MAPK3: variants seen among roughly 807,000 people sequenced by gnomAD.
MAPK3 encodes the protein MAPK 1.
A neutral mutation model predicts 41.8 loss-of-function variants in MAPK3; 30 were observed. That is an observed-to-expected ratio of 0.72 (90% CI 0.54 to 0.97). The LOEUF is 0.97. Ranked by LOEUF, MAPK3 falls within the 50% of genes least tolerant of loss-of-function variation. MAPK3 has a pLI of 0.00. For synonymous variants in MAPK3, 222 were observed against 213.4 expected, an observed-to-expected ratio of 1.04 and a Z score of -0.35; for missense variants, 413 against 509.9, an observed-to-expected ratio of 0.81 and a Z score of 1.83.
chr16:30,121,750 GA>G, intron 2 of MAPK3, 73 bp downstream of exon 2: 1 of 1,480,730 alleles, frequency 6.8e-7, no homozygotes, highest in Non-Finnish European at 9.2e-7. Flanking sequence ...GATGGAAACA[GA>G]AACCAAGCAA....
At chr16:30,116,315 CAG>C (rs2151044391) in intron 8 of MAPK3, among the ~76,000 whole-genome samples, 1 of 151,890 alleles carries the variant, frequency 6.6e-6, no homozygotes, top group South Asian at 2.1e-4. Context: ...CTGGGATTAC[CAG>C]AGTGACCCAC....
chr16:30,123,178 C>T lies in MAPK3; in HGVS notation c.32G>A (p.Gly11Asp). 1.5e-6 allele frequency: 2 copies of T among 1,330,284 alleles called. No individual in the cohort carries two copies. Among genetic ancestry groups the T allele is most frequent in the Non-Finnish European group, 2.0e-6 (2 of 996,790 alleles). The allele number at this position is 1,330,284 out of a possible 1,614,324, so 82.4% of individuals were successfully genotyped here. MAAAAAQGGG[G>D]GEPRRTEGVG... ...CCCCTCGGTTCTACGGGGCTCCCCG[C>T]CCCCGCCCCCCTGAGCCGCCGCCGC... Residue 11 changes from glycine (G) to aspartate (D), a missense_variant, in exon 1 of 9, where the codon GGC becomes GAC. Coordinates refer to ENST00000263025, the MANE Select transcript of MAPK3 (RefSeq NM_002746.3).
chr16:30,121,931 GC>G lies in MAPK3; in HGVS notation c.245del (p.Cys82SerfsTer34). Reference sequence around the variant, plus strand: ...TCTGGATCTCCCGGAGCGTGCGCTGGCAGTAGGTCTGATGTTCGAAGGGGCT... The same window carrying G: ...TCTGGATCTCCCGGAGCGTGCGCTGGAGTAGGTCTGATGTTCGAAGGGGCT... ...KISPFEHQTY[C>X]QRTLREIQIL... On this transcript the variant is annotated frameshift_variant, in exon 2 of 9. Transcript: ENST00000263025. LOFTEE classifies it high-confidence loss of function. 6.2e-7 allele frequency: 1 copy of G among 1,614,172 alleles called. No homozygotes were observed. The highest frequency in any genetic ancestry group is 8.5e-7 in the Non-Finnish European group (1 of 1,180,026).
At chr16:30,118,566 G>A (rs373009055) in intron 2 of MAPK3, 28 bp from the exon 3 acceptor site, 13 of 1,591,200 alleles carry the variant, frequency 8.2e-6, no homozygotes, top group Admixed American at 5.1e-5. Flanking sequence ...GACCCCCCCA[G>A]GCAGGGGGCA....
intron 1 of MAPK3, 115 bp downstream of exon 1, chr16:30,122,925 G>A (rs1596884400): frequency 1.0e-6 from 1 of 957,558 alleles, no homozygotes; most frequent in Non-Finnish European, 1.4e-6. Context: ...CGAGTCTCCT[G>A]CCTCCTCGGG....
rs1567354078 is a variant in MAPK3, at chr16:30,116,579, T to C, written c.*32+57A>G. 31 of 1,525,264 alleles carry C rather than the reference T, an allele frequency of 2.0e-5. No homozygotes were observed. The South Asian group carries it at 2.4e-4, about 12-fold the overall frequency. The allele number at this position is 1,525,264 out of a possible 1,614,324, so 94.5% of individuals were successfully genotyped here. On this transcript the variant is annotated intron_variant, in intron 8 of 8. Coordinates refer to ENST00000263025, the MANE Select transcript of MAPK3 (RefSeq NM_002746.3). ...GTACAGATAGATATAGATATAGATA[T>C]ACAGATATAGATATTTAGTATCAGG...
rs1208471014 is a variant in MAPK3 at position 30,117,763 on chromosome 16, T to C, written c.682A>G (p.Ile228Val). 1.2e-6 allele frequency: 2 copies of C among 1,613,954 alleles called. No homozygotes were observed. The highest frequency in any genetic ancestry group is 1.7e-6 in the Non-Finnish European group (2 of 1,179,856). Residue 228 changes from isoleucine to valine, a missense_variant, in exon 5 of 9, where the codon ATC becomes GTC. Around this residue, in one of 4 missense-constraint regions of MAPK3, gnomAD observed 140 missense variants for 206.0 expected, o/e 0.68. Coordinates refer to ENST00000263025, the MANE Select transcript of MAPK3 (RefSeq NM_002746.3). ...GCCAGAATGCAGCCCACAGACCAGA[T>C]GTCGATGGACTTGGTATAGCCCTGG... The part of the protein sequence containing the change: ...NSKGYTKSID[I>V]WSVGCILAEM...
chr16:30,115,933 C>T (rs1188676405), intron 8 of MAPK3: 1 of 151,638 alleles, frequency 6.6e-6, no homozygotes, highest in Non-Finnish European at 1.5e-5. Flanking sequence ...TTTTTGTATT[C>T]TTTACAGTAG....
At chr16:30,115,622 C>G (rs1325049274) in intron 8 of MAPK3, 1 of 152,312 alleles carries the variant, frequency 6.6e-6, no homozygotes, top group Non-Finnish European at 1.5e-5. Context: ...TCAGTGACCT[C>G]TTGCCTCTTT....
rs11865228 is a variant in MAPK3, at chr16:30,114,339, G to A, written c.*402C>T. The stretch of plus-strand genomic sequence containing the variant: ...AGGGAAACTAGGGTGGGGTTTGAAT[G>A]AGATGAGGGGGGCAGGCATGGCCCT... On this transcript the variant is annotated 3_prime_UTR_variant, in exon 9 of 9. Transcript: ENST00000263025. 2,347 of 152,664 alleles carry A rather than the reference G, an allele frequency of 0.015. 57 individuals are homozygous for A. The highest frequency in any genetic ancestry group is 0.053 in the African/African-American group (2,218 of 41,494). The allele number at this position is 152,664 out of a possible 1,614,324, so 9.5% of individuals were successfully genotyped here.
At chr16:30,116,287 C>T (rs1310581980) in intron 8 of MAPK3, among the ~76,000 whole-genome samples, 6 of 152,058 alleles carry the variant, frequency 3.9e-5, no homozygotes, top group Non-Finnish European at 7.4e-5. Flanking sequence ...GATCCACTTG[C>T]CTCAGCCTCC....
At chr16:30,117,041 T>C (rs1275120928) in intron 6 of MAPK3, 38 bp from the exon 7 acceptor site, 3 of 1,593,438 alleles carry the variant, frequency 1.9e-6, no homozygotes, top group Non-Finnish European at 2.6e-6. Context: ...CAGGGAAGAC[T>C]GGAGGAGCTC....
chr16:30,120,764 G>A (rs568053962), intron 2 of MAPK3, among the ~76,000 whole-genome samples: 2 of 145,666 alleles, frequency 1.4e-5, no homozygotes, highest in Non-Finnish European at 3.0e-5. Context: ...GCTCACTGCA[G>A]CCTCGAACTC....
At position 30,121,906 on chromosome 16, in the gene MAPK3, T is replaced by A. The variant is rs2073019201; in HGVS notation, c.271A>T (p.Ile91Phe). 6.2e-7 allele frequency: 1 copy of A among 1,613,980 alleles called. No individual in the cohort carries two copies. Reference sequence around the variant, plus strand: ...TTCTCATGGCGGAAGCGCAGCAGGATCTGGATCTCCCGGAGCGTGCGCTGG... The same window carrying A: ...TTCTCATGGCGGAAGCGCAGCAGGAACTGGATCTCCCGGAGCGTGCGCTGG... ...YCQRTLREIQ[I>F]LLRFRHENVI... The change falls in exon 2 of 9, where the codon ATC becomes TTC. Residue 91 changes from isoleucine to phenylalanine, a missense_variant. By Grantham distance (21) the Ile-to-Phe change is conservative. Around this residue, in one of 4 missense-constraint regions of MAPK3, gnomAD observed 140 missense variants for 206.0 expected, o/e 0.68. Coordinates refer to ENST00000263025, the MANE Select transcript of MAPK3 (RefSeq NM_002746.3).
At chr16:30,116,487 G>T in intron 8 of MAPK3, 149 bp downstream of exon 8, 2 of 882,340 alleles carry the variant, frequency 2.3e-6, no homozygotes, top group Non-Finnish European at 3.4e-6. Context: ...AGCCCCCTGG[G>T]CACTTCTGTT....
chr16:30,116,490 C>T, intron 8 of MAPK3, 146 bp downstream of exon 8: 1 of 936,796 alleles, frequency 1.1e-6, no homozygotes, highest in Admixed American at 2.4e-5. Context: ...CCCCTGGGCA[C>T]TTCTGTTGTC....
chr16:30,122,995 G>GC, intron 1 of MAPK3, 45 bp downstream of exon 1: 1 of 1,383,268 alleles, frequency 7.2e-7, no homozygotes, highest in Non-Finnish European at 9.5e-7. Flanking sequence ...CTCCCGCGAA[G>GC]CCCCCTCCCC....
At chr16:30,117,913 T>C (rs1020998399) in intron 4 of MAPK3, 129 bp from the exon 5 acceptor site, 33 of 1,090,526 alleles carry the variant, frequency 3.0e-5, no homozygotes, top group Non-Finnish European at 4.4e-5. Flanking sequence ...GGCTCAATGC[T>C]CAGCTTCCTT....
chr16:30,121,266 G>A lies in MAPK3; in HGVS notation c.353+558C>T, dbSNP rs2073012540. 2.0e-5 allele frequency among the ~76,000 whole-genome samples: 3 copies of A among 151,918 alleles called. No homozygotes were observed. In the South Asian group the frequency reaches 6.2e-4, roughly 31 times the overall value. ...TGGGATTACAGGCTTGCACCACCAT[G>A]CCCCGCTAATTTTTTTGTATTTTTA... is the stretch of plus-strand genomic sequence containing the variant. On this transcript the variant is annotated intron_variant, in intron 2 of 8. Transcript: ENST00000263025.
Sources: allele counts gnomAD v4.1 joint callset (sites outside exome capture counted in the v4.1 genomes callset), GRCh38; gene constraint gnomAD v4.1.1; regional missense constraint gnomAD v4.1.1; transcripts MANE v1.5; gene names NCBI Gene and HGNC (gene_info 2026-07-23, HGNC 2026-07-21).